Variants in PPP1R9A observed in about 807,000 individuals in gnomAD.
The protein encoded by PPP1R9A is protein phosphatase 1 regulatory subunit 9A, also known as neurabin-1.
A neutral mutation model predicts 141.9 loss-of-function variants in PPP1R9A; 59 were observed. That is an observed-to-expected ratio of 0.42 (90% CI 0.34 to 0.52). PPP1R9A has a LOEUF of 0.52. PPP1R9A is among the 20% of genes least tolerant of loss of function. PPP1R9A has a pLI of 0.10. For synonymous variants in PPP1R9A, 500 were observed against 569.7 expected, an observed-to-expected ratio of 0.88 and a Z score of 1.74; for missense variants, 1,444 against 1,611.9, an observed-to-expected ratio of 0.90 and a Z score of 1.78.
rs372421329 is a variant in PPP1R9A at position 95,269,473 on chromosome 7, C to A, written c.3090C>A (p.His1030Gln). ...DHDVEESPCH[H>Q]QTTNKKILRE... ...ATGTGGAAGAATCTCCTTGCCATCA[C>A]CAAACCACCAACAAGAAAATATTAC... Residue 1030 changes from histidine to glutamine, a missense_variant, in exon 14 of 20, where the codon CAC (histidine) becomes CAA (glutamine). Around this residue, in one of 5 missense-constraint regions of PPP1R9A, gnomAD observed 459 missense variants for 513.8 expected, o/e 0.89. Transcript: ENST00000433360. 7.5e-5 allele frequency: 119 copies of A among 1,582,660 alleles called. 1 individual carries two copies. In the African/African-American group the frequency reaches 1.5e-3, roughly 20 times the overall value.
At chr7:95,160,721 TTA>T (rs1304980253) in intron 4 of PPP1R9A, among the ~76,000 whole-genome samples, 1 of 152,160 alleles carries the variant, frequency 6.6e-6, no homozygotes, top group East Asian at 1.9e-4. Context: ...GTTGCCGCCT[TTA>T]TGTCCATGAG....
At chr7:95,020,945 G>T (rs1805858452) in intron 2 of PPP1R9A, among the ~76,000 whole-genome samples, 1 of 152,202 alleles carries the variant, frequency 6.6e-6, no homozygotes, top group African/African-American at 2.4e-5. Flanking sequence ...ACGTGTGCAT[G>T]TGTCTTTACA....
chr7:95,163,365 A>G (rs947852541), intron 5 of PPP1R9A, among the ~76,000 whole-genome samples: 1 of 152,096 alleles, frequency 6.6e-6, no homozygotes, highest in African/African-American at 2.4e-5. Context: ...GTTCATCATT[A>G]CTCTCATGGA....
chr7:94,930,567 GACCTCAAGT>G (rs1291916355), intron 2 of PPP1R9A, among the ~76,000 whole-genome samples: 1 of 152,110 alleles, frequency 6.6e-6, no homozygotes, highest in Non-Finnish European at 1.5e-5. Context: ...TCCAACTCCT[GACCTCAAGT>G]GATTTTGCCC....
At chr7:95,270,400 G>T (rs926478187) in intron 14 of PPP1R9A, among the ~76,000 whole-genome samples, 4 of 152,076 alleles carry the variant, frequency 2.6e-5, no homozygotes, top group African/African-American at 9.7e-5. Flanking sequence ...TAAGGCTCTG[G>T]TTACCCTAAC....
At chr7:95,001,145 CAT>C (rs1276770114) in intron 2 of PPP1R9A, among the ~76,000 whole-genome samples, 10 of 152,104 alleles carry the variant, frequency 6.6e-5, no homozygotes, top group African/African-American at 2.4e-4. Context: ...CTAGAATTCA[CAT>C]GTCTCTGGGG....
chr7:94,964,288 T>C (rs1429234019), intron 2 of PPP1R9A, among the ~76,000 whole-genome samples: 1 of 152,088 alleles, frequency 6.6e-6, no homozygotes, highest in African/African-American at 2.4e-5. Flanking sequence ...TAGGCTTTCT[T>C]TTTTTTAGAT....
At chr7:95,200,606 G>A (rs1337944978) in intron 6 of PPP1R9A, among the ~76,000 whole-genome samples, 1 of 152,010 alleles carries the variant, frequency 6.6e-6, no homozygotes, top group Non-Finnish European at 1.5e-5. Context: ...TTGATAATTG[G>A]AATAGATGGA....
rs571788366 is a variant in PPP1R9A, at chr7:95,179,877, G to A, written c.1754+17906G>A. ...AAACCTGCTGAAAGAAATCATAGATGACACAAACAAATGGAAACACGTCCC... is the reference window on the plus strand; with the variant it reads ...AAACCTGCTGAAAGAAATCATAGATAACACAAACAAATGGAAACACGTCCC... On this transcript the variant is annotated intron_variant, in intron 5 of 19. Transcript: ENST00000433360. Among the ~76,000 whole-genome samples the A allele has an allele frequency of 1.1e-4, 16 of 151,374 alleles. No homozygotes were observed. The East Asian group carries it at 3.1e-3, about 29-fold the overall frequency.
chr7:95,077,599 C>T (rs996394054), intron 2 of PPP1R9A, among the ~76,000 whole-genome samples: 6 of 151,958 alleles, frequency 3.9e-5, no homozygotes, highest in Non-Finnish European at 5.9e-5. Flanking sequence ...TAGCTGCCCC[C>T]CCAATAACAA....
At chr7:95,204,743 A>G (rs1026301497) in intron 7 of PPP1R9A, among the ~76,000 whole-genome samples, 1 of 138,908 alleles carries the variant, frequency 7.2e-6, no homozygotes, top group Non-Finnish European at 1.5e-5. Flanking sequence ...ATACCCACAC[A>G]CACCCACCAC....
intron 7 of PPP1R9A, among the ~76,000 whole-genome samples, chr7:95,218,907 C>A (rs1333182218): frequency 6.6e-6 from 1 of 152,126 alleles, no homozygotes; most frequent in African/African-American, 2.4e-5. Context: ...ACTGATGGGT[C>A]TTGACTCTTT....
At chr7:95,174,317 A>T (rs1832588374) in intron 5 of PPP1R9A, among the ~76,000 whole-genome samples, 1 of 152,150 alleles carries the variant, frequency 6.6e-6, no homozygotes, top group African/African-American at 2.4e-5. Flanking sequence ...GGAAAATACA[A>T]AACTGTGCTA....
chr7:95,219,673 A>G (rs1365149571), intron 7 of PPP1R9A, among the ~76,000 whole-genome samples: 4 of 152,144 alleles, frequency 2.6e-5, no homozygotes, highest in Non-Finnish European at 1.5e-5. Context: ...TGGGAGAAAA[A>G]AATAAATATA....
intron 14 of PPP1R9A, among the ~76,000 whole-genome samples, chr7:95,270,519 G>A (rs1371250248): frequency 2.0e-5 from 3 of 152,058 alleles, no homozygotes; most frequent in Non-Finnish European, 4.4e-5. Context: ...CATTATAACT[G>A]GCTAAATGAT....
At chr7:95,215,657 C>T (rs1045466576) in intron 7 of PPP1R9A, among the ~76,000 whole-genome samples, 5 of 152,092 alleles carry the variant, frequency 3.3e-5, no homozygotes, top group African/African-American at 1.2e-4. Context: ...TTTTAATGAT[C>T]GCCATTCTAA....
Position 94,926,266 on chromosome 7 carries a change from G to GCT in PPP1R9A, c.1395+14763_1395+14764dup, listed in dbSNP as rs201759249. On this transcript the variant is annotated intron_variant, in intron 2 of 19. Transcript: ENST00000433360. ...TGCTCTGGCTTGCTGAAGCTGTTGTGCTCTCTTTCGTTTGGGAAATCTCAA... is the reference window on the plus strand; with the variant it reads ...TGCTCTGGCTTGCTGAAGCTGTTGTGCTCTCTCTTTCGTTTGGGAAATCTCAA... 9.0e-4 allele frequency among the ~76,000 whole-genome samples: 137 copies of GCT among 152,258 alleles called. 1 individual carries two copies. The East Asian group carries it at 0.023, about 25-fold the overall frequency.
chr7:95,175,256 T>A (rs202123113), intron 5 of PPP1R9A, among the ~76,000 whole-genome samples: 7 of 146,606 alleles, frequency 4.8e-5, no homozygotes, highest in African/African-American at 7.5e-5. Context: ...CAATAACTAG[T>A]TGGATGGATG....
At chr7:95,090,541 G>A (rs1817206037) in intron 2 of PPP1R9A, among the ~76,000 whole-genome samples, 2 of 151,926 alleles carry the variant, frequency 1.3e-5, no homozygotes, top group Admixed American at 1.3e-4. Flanking sequence ...AGGCACGATG[G>A]CTCAAGCCTG....
Sources: gnomAD v4.1 joint callset for allele counts (sites outside exome capture counted in the v4.1 genomes callset) on GRCh38, gnomAD v4.1.1 for gene constraint, gnomAD v4.1.1 regional missense constraint, MANE v1.5 for transcripts, NCBI Gene and HGNC (gene_info 2026-07-23, HGNC 2026-07-21) for gene names.